SPINK9: variants seen among roughly 807,000 people sequenced by gnomAD.
SPINK9 encodes the protein serine protease inhibitor Kazal-type 9.
A neutral mutation model predicts 10.8 loss-of-function variants in SPINK9; 3 were observed. That is an observed-to-expected ratio of 0.28 (90% CI 0.13 to 0.72). The LOEUF (loss-of-function observed/expected upper bound fraction) is 0.72. Ranked by LOEUF, SPINK9 falls within the 30% of genes least tolerant of loss-of-function variation. The pLI is 0.74. For missense variants in SPINK9, 101 were observed against 103.2 expected (o/e 0.98, Z 0.09); for synonymous variants, 30 against 31.2 (o/e 0.96, Z 0.12).
intron 2 of SPINK9, among the ~76,000 whole-genome samples, chr5:148,327,488 G>A (rs1374917020): frequency 6.6e-6 from 1 of 152,122 alleles, no homozygotes; most frequent in Non-Finnish European, 1.5e-5. Flanking sequence ...TTCTTTTGCT[G>A]TGCAGAAGCT....
chr5:148,332,018 G>A (rs1478087236), upstream of SPINK9, among the ~76,000 whole-genome samples: 3 of 152,198 alleles, frequency 2.0e-5, no homozygotes, highest in Non-Finnish European at 4.4e-5. Context: ...TTTCTATAAA[G>A]GCATTGATGG....
In SPINK9 at chr5:148,323,747, C is replaced by G. The variant is rs765161063; in HGVS notation, c.-4C>G. The G allele has an allele frequency of 5.7e-6, 4 of 696,198 alleles. No homozygotes were observed. The South Asian group carries it at 6.0e-5, about 10-fold the overall frequency. 43.1% of individuals were successfully genotyped at this position (696,198 alleles called of 1,614,324 possible). A position where few individuals can be genotyped will look rare whatever the true frequency, so the allele number is the denominator to read the frequency against. On this transcript the variant is annotated 5_prime_UTR_variant, in exon 2 of 5. Coordinates refer to the SPINK9 transcript ENST00000511717. ...CTGTGTGATCAATCAGCATTTGCAT[C>G]TTTATGGTCTTTATGAATCCTTCTC...
At chr5:148,327,969 G>C (rs1289843709) in intron 2 of SPINK9, among the ~76,000 whole-genome samples, 1 of 150,876 alleles carries the variant, frequency 6.6e-6, no homozygotes, top group Non-Finnish European at 1.5e-5. Context: ...TTTTGGCTTA[G>C]GATTGACTTG....
At chr5:148,331,310 C>T (rs1757146609), upstream of SPINK9, among the ~76,000 whole-genome samples, 1 of 152,210 alleles carries the variant, frequency 6.6e-6, no homozygotes, top group Non-Finnish European at 1.5e-5. Context: ...GATATTCTGT[C>T]ATTTGTGACA....
upstream of SPINK9, among the ~76,000 whole-genome samples, chr5:148,331,568 T>C (rs1278774474): frequency 6.6e-6 from 1 of 152,220 alleles, no homozygotes; most frequent in Non-Finnish European, 1.5e-5. Flanking sequence ...TTGCACAGCA[T>C]GAGTACTGTT....
At chr5:148,323,437 A>G (rs1488715013) in intron 1 of SPINK9, among the ~76,000 whole-genome samples, 3 of 152,180 alleles carry the variant, frequency 2.0e-5, no homozygotes, top group African/African-American at 7.2e-5. Context: ...AAAAACAGAA[A>G]TGGTTCAAAT....
intron 2 of SPINK9, among the ~76,000 whole-genome samples, chr5:148,324,791 G>A (rs959346668): frequency 6.6e-6 from 1 of 151,946 alleles, no homozygotes; most frequent in Non-Finnish European, 1.5e-5. Flanking sequence ...GAGAGAGAGA[G>A]AGAGTCAAAA....
At chr5:148,323,358 A>G (rs1757020662) in intron 1 of SPINK9, among the ~76,000 whole-genome samples, 1 of 152,176 alleles carries the variant, frequency 6.6e-6, no homozygotes, top group African/African-American at 2.4e-5. Flanking sequence ...CATAGGTGGG[A>G]GTCAACAAAT....
chr5:148,338,429 A>C, intron 2 of SPINK9, 49 bp from the exon 3 acceptor site: 1 of 1,546,012 alleles, frequency 6.5e-7, no homozygotes, highest in Non-Finnish European at 8.7e-7. Flanking sequence ...AAATCCTGAT[A>C]ATAAAGATTT....
At chr5:148,332,131 A>G (rs913542713), upstream of SPINK9, among the ~76,000 whole-genome samples, 2 of 152,250 alleles carry the variant, frequency 1.3e-5, no homozygotes, top group Non-Finnish European at 2.9e-5. Context: ...AGAAAAAGTT[A>G]TAAACTTAAA....
chr5:148,324,237 C>G (rs987920009), intron 2 of SPINK9, among the ~76,000 whole-genome samples: 3 of 152,068 alleles, frequency 2.0e-5, no homozygotes, highest in Non-Finnish European at 2.9e-5. Flanking sequence ...GAATGTATAA[C>G]TTGGAACATA....
At chr5:148,336,124 C>A (rs948198454) in intron 1 of SPINK9, among the ~76,000 whole-genome samples, 1 of 152,140 alleles carries the variant, frequency 6.6e-6, no homozygotes, top group Non-Finnish European at 1.5e-5. Context: ...TCACTTATTT[C>A]TTCTGTCTCT....
At chr5:148,334,589 T>C (rs1757191082), upstream of SPINK9, among the ~76,000 whole-genome samples, 2 of 152,126 alleles carry the variant, frequency 1.3e-5, no homozygotes, top group Non-Finnish European at 2.9e-5. Flanking sequence ...CATGCTCCTG[T>C]AATCCCAGCT....
Position 148,327,638 on chromosome 5 carries a change from G to C in SPINK9, c.118+3770G>C, listed in dbSNP as rs545894543. ...TTCTTCTAGGGTTTTTATGGTTTTA[G>C]GTCTAACATGTAAGTCTTTAATCCA... On this transcript the variant is annotated intron_variant, in intron 2 of 4. Coordinates refer to the SPINK9 transcript ENST00000511717. Among the ~76,000 whole-genome samples, 10 of 151,906 alleles carry C rather than the reference G, an allele frequency of 6.6e-5. No individual in the cohort carries two copies. The East Asian group carries it at 1.9e-3, about 29-fold the overall frequency.
intron 2 of SPINK9, among the ~76,000 whole-genome samples, chr5:148,329,458 T>C (rs181776081): frequency 6.6e-6 from 1 of 152,316 alleles, no homozygotes; most frequent in South Asian, 2.1e-4. Context: ...AAAAACCAGC[T>C]CCCGGATTCA....
At chr5:148,339,626 G>C in intron 3 of SPINK9, 41 bp from the exon 4 acceptor site, 2 of 1,572,648 alleles carry the variant, frequency 1.3e-6, no homozygotes, top group Non-Finnish European at 1.7e-6. Flanking sequence ...AAATGCCTAT[G>C]GGCTCAGCAT....
chr5:148,332,578 C>T (rs1410150157), upstream of SPINK9, among the ~76,000 whole-genome samples: 5 of 152,184 alleles, frequency 3.3e-5, no homozygotes, highest in Non-Finnish European at 7.4e-5. Context: ...ATAATGGGAA[C>T]TCAAGTTCAC....
intron 3 of SPINK9, 145 bp from the exon 4 acceptor site, chr5:148,339,522 T>A (rs529706807): frequency 1.6e-6 from 1 of 618,556 alleles, no homozygotes; most frequent in Non-Finnish European, 2.8e-6. Context: ...TTCAAAAATA[T>A]TTCTAAATTG....
intron 2 of SPINK9, among the ~76,000 whole-genome samples, chr5:148,328,889 G>A (rs892697161): frequency 2.0e-5 from 3 of 152,116 alleles, no homozygotes; most frequent in Non-Finnish European, 4.4e-5. Context: ...TTGATGTGTT[G>A]CTGGATTCGG....
Sources: allele counts gnomAD v4.1 joint callset (sites outside exome capture counted in the v4.1 genomes callset), GRCh38; gene constraint gnomAD v4.1.1; transcripts MANE v1.5; gene names NCBI Gene and HGNC (gene_info 2026-07-23, HGNC 2026-07-21).